Variants in STX8 observed in about 807,000 individuals in gnomAD.
STX8 encodes the protein syntaxin 8, also known as syntaxin-8.
Under a neutral mutation model 37.5 loss-of-function variants are expected in STX8, and 23 were observed. The ratio of observed to expected loss-of-function variants is 0.61; its 90% confidence interval spans 0.44 to 0.87. The LOEUF (loss-of-function observed/expected upper bound fraction) is 0.87. STX8 is among the 40% of genes least tolerant of loss of function. The pLI is 0.00. For synonymous variants in STX8, 115 were observed against 99.1 expected, an observed-to-expected ratio of 1.16 and a Z score of -0.95; for missense variants, 313 against 284.7, an observed-to-expected ratio of 1.10 and a Z score of -0.71.
At chr17:9,531,431 T>G (rs1192862573) in intron 4 of STX8, among the ~76,000 whole-genome samples, 1 of 152,152 alleles carries the variant, frequency 6.6e-6, no homozygotes, top group East Asian at 1.9e-4. Context: ...GCACAGAGAC[T>G]GAAGAGATCT....
chr17:9,463,027 A>G (rs1905461519), intron 6 of STX8, among the ~76,000 whole-genome samples: 1 of 152,226 alleles, frequency 6.6e-6, no homozygotes, highest in African/African-American at 2.4e-5. Flanking sequence ...AAAGGTAAAA[A>G]GTAAAGCAAG....
intron 7 of STX8, among the ~76,000 whole-genome samples, chr17:9,329,671 C>T (rs559280953): frequency 1.6e-4 from 25 of 152,232 alleles, no homozygotes; most frequent in Admixed American, 1.6e-3. Context: ...CCCATCGGAC[C>T]ACTCAGGCCG....
At chr17:9,252,938 G>A (rs1000115725) in intron 7 of STX8, among the ~76,000 whole-genome samples, 2 of 143,004 alleles carry the variant, frequency 1.4e-5, no homozygotes, top group African/African-American at 2.5e-5. Context: ...ATGTGACACC[G>A]TCTGTGGTCT....
At chr17:9,543,009 A>C (rs1906345414) in intron 4 of STX8, among the ~76,000 whole-genome samples, 1 of 152,198 alleles carries the variant, frequency 6.6e-6, no homozygotes, top group South Asian at 2.1e-4. Flanking sequence ...CTAAATTCCT[A>C]GGTTGGCCCC....
chr17:9,363,542 C>T (rs1310180064), intron 7 of STX8, among the ~76,000 whole-genome samples: 1 of 152,148 alleles, frequency 6.6e-6, no homozygotes, highest in Admixed American at 6.6e-5. Flanking sequence ...CTAAACCCAG[C>T]CCTCATTTGC....
intron 6 of STX8, among the ~76,000 whole-genome samples, chr17:9,426,524 C>CTT (rs979043298): frequency 1.1e-4 from 16 of 152,194 alleles, no homozygotes; most frequent in Admixed American, 3.3e-4. Flanking sequence ...AAAACTCCAT[C>CTT]TTGAAAACAA....
intron 6 of STX8, among the ~76,000 whole-genome samples, chr17:9,440,031 G>A (rs1412432016): frequency 6.6e-6 from 1 of 152,084 alleles, no homozygotes; most frequent in Non-Finnish European, 1.5e-5. Flanking sequence ...GGATGGACAG[G>A]GGAAATTTGC....
intron 7 of STX8, among the ~76,000 whole-genome samples, chr17:9,368,231 A>G (rs916370293): frequency 2.0e-5 from 3 of 148,940 alleles, no homozygotes; most frequent in African/African-American, 2.5e-5. Flanking sequence ...TGGGCCAGGC[A>G]TGGTGGCTCA....
chr17:9,393,644 T>A (rs182904795), intron 6 of STX8, among the ~76,000 whole-genome samples: 2 of 152,354 alleles, frequency 1.3e-5, no homozygotes, highest in East Asian at 3.9e-4. Context: ...TAAGTATGTA[T>A]ATTGTCATCC....
At chr17:9,445,503 G>GTGGGGGAGGGGGGTGGGGGGA (rs1567563918) in intron 6 of STX8, among the ~76,000 whole-genome samples, 9 of 70,436 alleles carry the variant, frequency 1.3e-4, no homozygotes, top group Non-Finnish European at 1.8e-4. Context: ...GGGGGGGATG[G>GTGGGGGAGGGGGGTGGGGGGA]TGGGGGAGGG....
intron 6 of STX8, among the ~76,000 whole-genome samples, chr17:9,444,142 C>CTCTCT (rs575716614): frequency 1.3e-5 from 2 of 150,178 alleles, no homozygotes; most frequent in Non-Finnish European, 3.0e-5. Flanking sequence ...TTCGCACATT[C>CTCTCT]TTCTCTCTTT....
chr17:9,474,340 C>T (rs1906008542), intron 6 of STX8, among the ~76,000 whole-genome samples: 1 of 152,116 alleles, frequency 6.6e-6, no homozygotes, highest in South Asian at 2.1e-4. Flanking sequence ...AGTAAGTTAT[C>T]AAATCCTGAA....
chr17:9,522,845 TG>T (rs1246422922), intron 4 of STX8, among the ~76,000 whole-genome samples: 1 of 152,158 alleles, frequency 6.6e-6, no homozygotes, highest in Non-Finnish European at 1.5e-5. Context: ...AAGTGAGTTC[TG>T]GTGTTCTGTG....
chr17:9,522,737 A>T (rs1905404797), intron 4 of STX8, among the ~76,000 whole-genome samples: 1 of 151,704 alleles, frequency 6.6e-6, no homozygotes, highest in South Asian at 2.1e-4. Flanking sequence ...ATATCATACA[A>T]GCAGTGAGTA....
intron 4 of STX8, among the ~76,000 whole-genome samples, chr17:9,520,381 A>G (rs1412091633): frequency 1.3e-5 from 2 of 152,210 alleles, no homozygotes; most frequent in African/African-American, 4.8e-5. Flanking sequence ...CACTTTTGGA[A>G]ATGACAAGTA....
chr17:9,561,005 C>A (rs2151916576), intron 2 of STX8, among the ~76,000 whole-genome samples: 2 of 152,048 alleles, frequency 1.3e-5, no homozygotes, highest in South Asian at 4.2e-4. Flanking sequence ...GAAAGAAATT[C>A]ATAATTTAAC....
chr17:9,321,545 A>T (rs1909578228), intron 7 of STX8, among the ~76,000 whole-genome samples: 1 of 151,966 alleles, frequency 6.6e-6, no homozygotes. Flanking sequence ...ATTGAGATAG[A>T]GTCTCCCCCT....
In STX8 at chr17:9,536,186, T is replaced by C. The variant is rs78638576; in HGVS notation, c.323+8986A>G. On this transcript the variant is annotated intron_variant, in intron 4 of 7. Coordinates refer to ENST00000306357, the MANE Select transcript of STX8 (RefSeq NM_004853.3). ...GCAGATTTCTTAGCCATATGAATTA[T>C]ATTACTTATGCAAAACACATTCTCC... Among the ~76,000 whole-genome samples the C allele has an allele frequency of 8.3e-3, 1,258 of 152,338 alleles. 23 individuals are homozygous for C. Among genetic ancestry groups the C allele is most frequent in the African/African-American group, 0.028 (1,168 of 41,570 alleles).
chr17:9,377,355 C>G (rs1023924968), intron 7 of STX8, among the ~76,000 whole-genome samples: 1 of 151,570 alleles, frequency 6.6e-6, no homozygotes, highest in African/African-American at 2.4e-5. Flanking sequence ...AGTGGAAGTA[C>G]AGTAAGACAA....
Sources: allele counts gnomAD v4.1 joint callset (sites outside exome capture counted in the v4.1 genomes callset), GRCh38; gene constraint gnomAD v4.1.1; transcripts MANE v1.5; gene names NCBI Gene and HGNC (gene_info 2026-07-23, HGNC 2026-07-21).